The following PUDP variants were observed in gnomAD, a reference collection of about 807,000 sequenced individuals.
PUDP encodes pseudouridine-5'-phosphatase.
Under a neutral mutation model 9.4 loss-of-function variants are expected in PUDP, and 8 were observed. That is an observed-to-expected ratio of 0.85 (90% confidence interval 0.50 to 1.53). PUDP has a LOEUF of 1.53. Ranked by LOEUF, PUDP falls within the 40% of genes most tolerant of loss-of-function variation. The probability of loss-of-function intolerance (pLI) is 0.00; values close to 1 mark genes in which losing one functional copy is unlikely to be tolerated. For synonymous variants in PUDP, 99 were observed against 80.7 expected (o/e 1.23, Z -1.22); for missense variants, 188 against 189.7 (o/e 0.99, Z 0.05).
At chrX:6,902,117 C>T (rs1927699367) in intron 3 of PUDP, among the ~76,000 whole-genome samples, 1 of 111,626 alleles carries the variant, frequency 9.0e-6, no homozygotes, top group Non-Finnish European at 1.9e-5. Context: ...AACTCCTGGC[C>T]TCAAGCAGTC....
At chrX:7,076,785 A>T (rs1355991034) in intron 3 of PUDP, among the ~76,000 whole-genome samples, 2 of 112,184 alleles carry the variant, frequency 1.8e-5, no homozygotes, top group African/African-American at 6.5e-5. Flanking sequence ...GCAGCAACCA[A>T]CGAGCACTCT....
intron 3 of PUDP, among the ~76,000 whole-genome samples, chrX:6,938,786 C>CTTTTTTTT (rs764265665): frequency 1.4e-4 from 12 of 83,393 alleles, no homozygotes; most frequent in Non-Finnish European, 1.9e-4. Context: ...TTCTTTCTTT[C>CTTTTTTTT]TTTTTTTTTT....
intron 2 of PUDP, among the ~76,000 whole-genome samples, chrX:6,705,945 T>C (rs1924464809): frequency 8.9e-6 from 1 of 112,426 alleles, no homozygotes; most frequent in Non-Finnish European, 1.9e-5. Flanking sequence ...AAATGTGGTG[T>C]ATGTACACAA....
chrX:6,983,409 C>T (rs207478094), intron 1 of PUDP, among the ~76,000 whole-genome samples: 1 of 110,782 alleles, frequency 9.0e-6, no homozygotes, highest in Non-Finnish European at 1.9e-5. Context: ...CCAGATGGGG[C>T]CATCCGGTTG....
chrX:6,750,361 C>G (rs984928888), intron 3 of PUDP, among the ~76,000 whole-genome samples: 1 of 111,265 alleles, frequency 9.0e-6, no homozygotes, highest in Non-Finnish European at 1.9e-5. Flanking sequence ...TTGATTGGTA[C>G]CTTTGGAAAT....
intron 3 of PUDP, among the ~76,000 whole-genome samples, chrX:6,961,825 G>A (rs1569131623): frequency 9.0e-6 from 1 of 111,688 alleles, no homozygotes. Flanking sequence ...TTCCATATCC[G>A]TGCATGGTCT....
chrX:7,106,761 C>T (rs1931895346), intron 1 of PUDP, among the ~76,000 whole-genome samples: 1 of 111,831 alleles, frequency 8.9e-6, no homozygotes, highest in African/African-American at 3.3e-5. Context: ...CACTAGCTGT[C>T]TTCCCCACTC....
chrX:6,817,123 C>T (rs1218083712), intron 3 of PUDP, among the ~76,000 whole-genome samples: 1 of 107,542 alleles, frequency 9.3e-6, no homozygotes, highest in Non-Finnish European at 1.9e-5. Flanking sequence ...GTCTCCCAGG[C>T]CGGAGTGCAG....
At chrX:6,960,875 A>G (rs1000566514) in intron 3 of PUDP, among the ~76,000 whole-genome samples, 1 of 111,362 alleles carries the variant, frequency 9.0e-6, no homozygotes, top group African/African-American at 3.3e-5. Context: ...TGATCCATGG[A>G]ACAGCTGCTC....
chrX:6,975,994 C>T (rs762214510), intron 3 of PUDP, among the ~76,000 whole-genome samples: 23 of 112,216 alleles, frequency 2.0e-4, no homozygotes, highest in African/African-American at 4.5e-4. Flanking sequence ...GCTTTGTTTA[C>T]GCTGTGAGGG....
intron 3 of PUDP, among the ~76,000 whole-genome samples, chrX:6,766,985 C>T (rs928061934): frequency 8.9e-6 from 1 of 112,806 alleles, no homozygotes; most frequent in Admixed American, 9.4e-5. Context: ...GATGGACAAA[C>T]ACACATGTCA....
intron 1 of PUDP, among the ~76,000 whole-genome samples, chrX:7,118,520 G>A (rs748503928): frequency 8.5e-4 from 95 of 112,069 alleles, no homozygotes; most frequent in African/African-American, 3.0e-3. Context: ...GCACCCGTAT[G>A]ACTGGCTCAC....
chrX:7,072,069 G>A (rs923367920), intron 3 of PUDP, among the ~76,000 whole-genome samples: 5 of 111,909 alleles, frequency 4.5e-5, no homozygotes, highest in Non-Finnish European at 9.4e-5. Flanking sequence ...GGGATTACAG[G>A]CATGAACCAC....
At chrX:6,965,441 T>C (rs1211374851) in intron 3 of PUDP, among the ~76,000 whole-genome samples, 1 of 112,615 alleles carries the variant, frequency 8.9e-6, no homozygotes, top group Non-Finnish European at 1.9e-5. Flanking sequence ...CTTTAGAATA[T>C]CACAGAGACC....
intron 3 of PUDP, among the ~76,000 whole-genome samples, chrX:6,876,052 T>A (rs187538144): frequency 9.9e-4 from 112 of 112,588 alleles, no homozygotes; most frequent in Admixed American, 2.7e-3. Context: ...ATACAGATGA[T>A]CATTGACTTA....
At chrX:6,865,708 T>C (rs937773482) in intron 3 of PUDP, among the ~76,000 whole-genome samples, 1 of 111,098 alleles carries the variant, frequency 9.0e-6, no homozygotes, top group African/African-American at 3.3e-5. Flanking sequence ...ATGGCAGATA[T>C]GCAAAAAAAG....
chrX:6,706,775 C>T (rs41305351), intron 1 of PUDP, among the ~76,000 whole-genome samples: 4,172 of 111,442 alleles, frequency 0.037, 85 homozygotes, highest in South Asian at 0.075. Flanking sequence ...CCCTTCTTCC[C>T]GACCAGGGGC....
chrX:6,720,258 G>GTGTGTGTGTGTA (rs1555907522), intron 1 of PUDP, among the ~76,000 whole-genome samples: 4 of 48,805 alleles, frequency 8.2e-5, no homozygotes, highest in Non-Finnish European at 1.3e-4. Context: ...GTGTGTGTGT[G>GTGTGTGTGTGTA]TATATATATA....
intron 3 of PUDP, among the ~76,000 whole-genome samples, chrX:6,730,864 A>T (rs1225697805): frequency 9.0e-6 from 1 of 111,466 alleles, no homozygotes; most frequent in African/African-American, 3.3e-5. Flanking sequence ...ATCACAAAGA[A>T]CTGTGAAGTT....
Sources: gnomAD v4.1 joint callset for allele counts (sites outside exome capture counted in the v4.1 genomes callset) on GRCh38, gnomAD v4.1.1 for gene constraint, MANE v1.5 for transcripts, NCBI Gene and HGNC (gene_info 2026-07-23, HGNC 2026-07-21) for gene names.